The following KHDRBS2 variants were observed in gnomAD, a reference collection of about 807,000 sequenced individuals.
KHDRBS2 encodes KH RNA binding domain containing, signal transduction associated 2.
Under a neutral mutation model 44.3 loss-of-function variants are expected in KHDRBS2, and 26 were observed. That is an observed-to-expected ratio of 0.59 (90% CI 0.43 to 0.81). The LOEUF (loss-of-function observed/expected upper bound fraction) is 0.81, where lower values mean the gene tolerates loss of function less well. KHDRBS2 is among the 40% of genes least tolerant of loss of function. The pLI, the probability that KHDRBS2 is intolerant of heterozygous loss-of-function variation, is 0.00. For synonymous variants in KHDRBS2, 194 were observed against 151.1 expected (o/e 1.28, Z -2.08); for missense variants, 476 against 433.1 (o/e 1.10, Z -0.88).
chr6:62,267,404 C>A (rs1384193263), intron 1 of KHDRBS2, among the ~76,000 whole-genome samples: 1 of 152,008 alleles, frequency 6.6e-6, no homozygotes, highest in African/African-American at 2.4e-5. Flanking sequence ...AAGTTCCCAT[C>A]AGAAACAGTC....
intron 6 of KHDRBS2, among the ~76,000 whole-genome samples, chr6:61,798,236 C>CTATT (rs1216197616): frequency 1.3e-5 from 2 of 152,054 alleles, no homozygotes; most frequent in African/African-American, 4.8e-5. Context: ...TCATATCATA[C>CTATT]TATTAGTCTA....
chr6:62,237,652 G>A (rs926115720), intron 1 of KHDRBS2, among the ~76,000 whole-genome samples: 4 of 152,212 alleles, frequency 2.6e-5, no homozygotes, highest in South Asian at 2.1e-4. Flanking sequence ...CAATGAAAAC[G>A]AGTGAGAAAA....
At chr6:61,784,994 C>A (rs1262679510) in intron 6 of KHDRBS2, among the ~76,000 whole-genome samples, 1 of 151,804 alleles carries the variant, frequency 6.6e-6, no homozygotes, top group African/African-American at 2.4e-5. Flanking sequence ...ACAAAAAATA[C>A]AAAAATTTGC....
the KHDRBS2 span, among the ~76,000 whole-genome samples, chr6:61,579,936 A>T: frequency 6.6e-6 from 1 of 151,012 alleles, no homozygotes; most frequent in African/African-American, 2.4e-5. Flanking sequence ...ACATGCCTGT[A>T]ATCCCAGCTA....
intron 6 of KHDRBS2, among the ~76,000 whole-genome samples, chr6:61,820,636 A>G (rs73476655): frequency 0.011 from 1,610 of 152,138 alleles, 26 homozygotes; most frequent in African/African-American, 0.037. Flanking sequence ...GCTTCCTGTC[A>G]GGAATAATTT....
chr6:61,899,741 C>CA (rs949831688), intron 5 of KHDRBS2, among the ~76,000 whole-genome samples: 1 of 142,152 alleles, frequency 7.0e-6, no homozygotes, highest in Admixed American at 7.1e-5. Flanking sequence ...ATGCCCCCCC[C>CA]CCGCATTTTA....
intron 6 of KHDRBS2, among the ~76,000 whole-genome samples, chr6:61,748,248 C>T (rs946793763): frequency 6.6e-6 from 1 of 152,188 alleles, no homozygotes; most frequent in East Asian, 1.9e-4. Context: ...CTTGGCCTCA[C>T]GGAGTGCTAG....
chr6:61,683,540 C>A (rs1216026592), intron 8 of KHDRBS2, among the ~76,000 whole-genome samples: 1 of 151,434 alleles, frequency 6.6e-6, no homozygotes, highest in African/African-American at 2.4e-5. Flanking sequence ...AGTGATAATT[C>A]AAAAAACAGA....
the KHDRBS2 span, among the ~76,000 whole-genome samples, chr6:61,655,996 G>T: frequency 6.6e-6 from 1 of 152,172 alleles, no homozygotes; most frequent in African/African-American, 2.4e-5. Flanking sequence ...ACTGCCTAGA[G>T]AGAAATCTGA....
chr6:61,545,842 T>C, the KHDRBS2 span, among the ~76,000 whole-genome samples: 4 of 152,010 alleles, frequency 2.6e-5, no homozygotes, highest in Non-Finnish European at 4.4e-5. Flanking sequence ...CAGAGAGCTC[T>C]CTCATGAGTG....
In KHDRBS2 at chr6:61,717,765, T is replaced by C. The variant is rs188710188; in HGVS notation, c.893+14917A>G. On this transcript the variant is annotated intron_variant, in intron 7 of 8. Transcript: ENST00000281156. ...AAACATATAGCCTAAAAACAGTAAA[T>C]AATTTCTTCTTTTTTTCTTGCTCAG... Among the ~76,000 whole-genome samples, 792 of 152,212 alleles carry C rather than the reference T, an allele frequency of 5.2e-3. 6 individuals carry two copies. The highest frequency in any genetic ancestry group is 7.1e-3 in the Non-Finnish European group (486 of 67,996).
chr6:61,704,539 G>T (rs1232981431), intron 7 of KHDRBS2, among the ~76,000 whole-genome samples: 3 of 151,718 alleles, frequency 2.0e-5, no homozygotes, highest in African/African-American at 7.3e-5. Flanking sequence ...GGAGAGAGGG[G>T]CTCAATATTC....
At chr6:61,668,654 G>C in the KHDRBS2 span, among the ~76,000 whole-genome samples, 1 of 150,972 alleles carries the variant, frequency 6.6e-6, no homozygotes, top group African/African-American at 2.4e-5. Flanking sequence ...AGGATGTAAG[G>C]AGAGGTGTAT....
the KHDRBS2 span, among the ~76,000 whole-genome samples, chr6:61,641,470 T>C: frequency 6.6e-6 from 1 of 152,176 alleles, no homozygotes; most frequent in African/African-American, 2.4e-5. Flanking sequence ...TCTCCATTCT[T>C]TCTTCCTATT....
intron 1 of KHDRBS2, among the ~76,000 whole-genome samples, chr6:62,232,317 A>T (rs2150160008): frequency 6.6e-6 from 1 of 152,298 alleles, no homozygotes; most frequent in South Asian, 2.1e-4. Flanking sequence ...GTCACTTAAT[A>T]AATAATTATT....
intron 7 of KHDRBS2, among the ~76,000 whole-genome samples, chr6:61,729,512 CCTAA>C (rs1360024461): frequency 3.9e-5 from 6 of 152,152 alleles, no homozygotes; most frequent in Admixed American, 2.0e-4. Flanking sequence ...TAAGCAACTG[CCTAA>C]CTGTTTTCCA....
chr6:62,067,085 A>G (rs1015609810), intron 2 of KHDRBS2, among the ~76,000 whole-genome samples: 2 of 151,522 alleles, frequency 1.3e-5, no homozygotes, highest in Non-Finnish European at 3.0e-5. Context: ...TCATTTAAAT[A>G]TTGTCAATCT....
the KHDRBS2 span, among the ~76,000 whole-genome samples, chr6:61,664,733 G>T: frequency 6.6e-6 from 1 of 151,628 alleles, no homozygotes; most frequent in Non-Finnish European, 1.5e-5. Flanking sequence ...GTTTAAAGTT[G>T]ACTGCTTTTG....
chr6:61,661,751 T>C, the KHDRBS2 span, among the ~76,000 whole-genome samples: 20 of 151,692 alleles, frequency 1.3e-4, no homozygotes, highest in Non-Finnish European at 2.2e-4. Context: ...TAAAAGAGGA[T>C]ACAAACAAAT....
Sources: allele counts gnomAD v4.1 joint callset (sites outside exome capture counted in the v4.1 genomes callset), GRCh38; gene constraint gnomAD v4.1.1; transcripts MANE v1.5; gene names NCBI Gene and HGNC (gene_info 2026-07-23, HGNC 2026-07-21).